The following CRACD variants were observed in gnomAD, a reference collection of about 807,000 sequenced individuals.
CRACD encodes the protein capping protein-inhibiting regulator of actin dynamics.
In CRACD, 56 loss-of-function variants were observed where a neutral mutation model predicts 106.8. The ratio of observed to expected loss-of-function variants is 0.52; its 90% CI spans 0.42 to 0.66. CRACD has a LOEUF of 0.66. Among genes scored for constraint, CRACD ranks in the 30% least tolerant of loss-of-function variants. CRACD has a pLI of 0.00. For synonymous variants in CRACD, 754 were observed against 670.8 expected (o/e 1.12, Z -1.92); for missense variants, 1,730 against 1,623.2 (o/e 1.07, Z -1.13).
chr4:56,063,771 T>C (rs1355591497), intron 1 of CRACD, among the ~76,000 whole-genome samples: 1 of 152,244 alleles, frequency 6.6e-6, no homozygotes, highest in African/African-American at 2.4e-5. Flanking sequence ...TTGGGTTGTT[T>C]CTGCCTTTGG....
At chr4:56,309,340 C>T (rs925812689) in intron 5 of CRACD, among the ~76,000 whole-genome samples, 10 of 152,122 alleles carry the variant, frequency 6.6e-5, no homozygotes, top group Non-Finnish European at 1.5e-4. Flanking sequence ...GTGTGGAGAA[C>T]AGACGGAGGT....
At chr4:56,275,393 A>G (rs950431949) in intron 3 of CRACD, among the ~76,000 whole-genome samples, 5 of 152,188 alleles carry the variant, frequency 3.3e-5, no homozygotes, top group Admixed American at 1.3e-4. Flanking sequence ...GTTCAAGGCT[A>G]TAGTGCGCTA....
chr4:56,299,405 C>T (rs1010724239), intron 4 of CRACD, among the ~76,000 whole-genome samples: 1 of 152,082 alleles, frequency 6.6e-6, no homozygotes, highest in Non-Finnish European at 1.5e-5. Context: ...CACAGTGGCT[C>T]ACTCCTATAA....
intron 4 of CRACD, among the ~76,000 whole-genome samples, chr4:56,299,684 AT>A (rs1744255153): frequency 6.6e-6 from 1 of 151,388 alleles, no homozygotes; most frequent in South Asian, 2.1e-4. Flanking sequence ...AAAAAAAAAA[AT>A]TCGCTTACCC....
chr4:56,122,429 A>G (rs952792418), intron 1 of CRACD, among the ~76,000 whole-genome samples: 3 of 152,144 alleles, frequency 2.0e-5, no homozygotes, highest in African/African-American at 7.2e-5. Flanking sequence ...CTCTATAGAC[A>G]TTATATCCCC....
At chr4:56,148,598 T>C (rs558918107) in intron 1 of CRACD, among the ~76,000 whole-genome samples, 2 of 152,318 alleles carry the variant, frequency 1.3e-5, no homozygotes, top group African/African-American at 4.8e-5. Context: ...TGGAGCTCAT[T>C]GTGCTTTTGG....
chr4:56,121,359 G>C (rs1263360258), intron 1 of CRACD, among the ~76,000 whole-genome samples: 1 of 152,200 alleles, frequency 6.6e-6, no homozygotes, highest in Non-Finnish European at 1.5e-5. Context: ...CAGGAATGAA[G>C]TAACTGAAAT....
At chr4:56,121,335 G>A (rs749665160) in intron 1 of CRACD, among the ~76,000 whole-genome samples, 1 of 152,136 alleles carries the variant, frequency 6.6e-6, no homozygotes, top group Non-Finnish European at 1.5e-5. Context: ...AATGTCAAAT[G>A]GTCACATAAA....
At chr4:56,099,268 G>A (rs143856084) in intron 1 of CRACD, among the ~76,000 whole-genome samples, 74 of 152,224 alleles carry the variant, frequency 4.9e-4, no homozygotes, top group African/African-American at 1.7e-3. Context: ...TACAATTTTG[G>A]GGGTCAGGAT....
intron 2 of CRACD, among the ~76,000 whole-genome samples, chr4:56,244,726 C>A (rs1397762103): frequency 6.6e-6 from 1 of 152,240 alleles, no homozygotes; most frequent in Non-Finnish European, 1.5e-5. Context: ...TAATACCTGG[C>A]CCAGAAGTGG....
At chr4:56,281,386 T>C (rs1446106368) in intron 3 of CRACD, among the ~76,000 whole-genome samples, 1 of 152,022 alleles carries the variant, frequency 6.6e-6, no homozygotes, top group African/African-American at 2.4e-5. Context: ...ACAAAACCGG[T>C]TCCTGGTGCT....
At chr4:56,149,083 T>A (rs1490125364) in intron 1 of CRACD, among the ~76,000 whole-genome samples, 2 of 152,222 alleles carry the variant, frequency 1.3e-5, no homozygotes, top group Non-Finnish European at 1.5e-5. Context: ...CCCAAAGTGC[T>A]GGGATTACAG....
intron 1 of CRACD, among the ~76,000 whole-genome samples, chr4:56,131,602 A>C (rs900569810): frequency 1.3e-5 from 2 of 152,184 alleles, no homozygotes; most frequent in Non-Finnish European, 2.9e-5. Context: ...TTCTGAACAT[A>C]ATGGATCTGG....
intron 2 of CRACD, among the ~76,000 whole-genome samples, chr4:56,226,971 A>G (rs188009766): frequency 1.4e-3 from 214 of 151,676 alleles, no homozygotes; most frequent in Non-Finnish European, 2.3e-3. Flanking sequence ...GCCTTACACC[A>G]TAAGTGGAAG....
chr4:56,122,891 T>A (rs1466239717), intron 1 of CRACD, among the ~76,000 whole-genome samples: 1 of 152,194 alleles, frequency 6.6e-6, no homozygotes, highest in Non-Finnish European at 1.5e-5. Flanking sequence ...AAAGGGCAGC[T>A]GGGGTGACTT....
rs568412196 is a variant in CRACD, at chr4:56,116,443, A to G, written c.-335-62841A>G. ...AGTAATGGAGATGCACTTCAATGAT[A>G]GATCCTTCTCCTTTCACTCTGTACT... On this transcript the variant is annotated intron_variant, in intron 1 of 10. Coordinates refer to ENST00000682029, the MANE Select transcript of CRACD (RefSeq NM_001393381.1). Among the ~76,000 whole-genome samples the G allele has an allele frequency of 2.0e-5, 3 of 152,314 alleles. No homozygotes were observed. The East Asian group carries it at 5.8e-4, about 29-fold the overall frequency.
chr4:56,285,945 A>G, intron 3 of CRACD, among the ~76,000 whole-genome samples: 1 of 152,142 alleles, frequency 6.6e-6, no homozygotes, highest in East Asian at 1.9e-4. Context: ...GGTAATCCCT[A>G]CACTACACAA....
intron 4 of CRACD, among the ~76,000 whole-genome samples, chr4:56,306,881 C>T (rs7696217): frequency 0.16 from 24,171 of 152,172 alleles, 2,056 homozygotes; most frequent in East Asian, 0.3. Context: ...AGAGGACGTC[C>T]AGATTGTTCC....
At chr4:56,055,488 CG>C (rs1263928786) in intron 1 of CRACD, among the ~76,000 whole-genome samples, 1 of 151,968 alleles carries the variant, frequency 6.6e-6, no homozygotes. Flanking sequence ...TTTATGGTCT[CG>C]GGTGGGGGCC....
Sources: allele counts gnomAD v4.1 joint callset (sites outside exome capture counted in the v4.1 genomes callset), GRCh38; gene constraint gnomAD v4.1.1; transcripts MANE v1.5; gene names NCBI Gene and HGNC (gene_info 2026-07-23, HGNC 2026-07-21).